The following ATP13A4 variants were observed in gnomAD, a reference collection of about 807,000 sequenced individuals.
ATP13A4 encodes ATPase 13A4.
In ATP13A4, 114 loss-of-function variants were observed where a neutral mutation model predicts 142.5. The ratio of observed to expected loss-of-function variants is 0.80; its 90% CI spans 0.69 to 0.93. The LOEUF (loss-of-function observed/expected upper bound fraction) is 0.93, where lower values mean the gene tolerates loss of function less well. ATP13A4 is among the 40% of genes least tolerant of loss of function. The pLI is 0.00. For synonymous variants in ATP13A4, 488 were observed against 514.8 expected (o/e 0.95, Z 0.70); for missense variants, 1,392 against 1,454.0 (o/e 0.96, Z 0.69).
chr3:193,465,684 T>C (rs1197165299), intron 11 of ATP13A4, among the ~76,000 whole-genome samples: 1 of 152,218 alleles, frequency 6.6e-6, no homozygotes, highest in Non-Finnish European at 1.5e-5. Context: ...CTGATTTTAT[T>C]TAAAATCCCT....
Position 193,563,875 on chromosome 3 carries a change from T to G in ATP13A4, n.291+17832A>C, listed in dbSNP as rs1012085341. On this transcript the variant is annotated intron_variant and non_coding_transcript_variant, in intron 2 of 3. Coordinates refer to the ATP13A4 transcript ENST00000489140. ...ACCAACCTCTGGCAACCTCACTGTC[T>G]AACTTGGGGCAACCCCTGCTGTTCA... Among the ~76,000 whole-genome samples, 5 of 152,316 alleles carry G rather than the reference T, an allele frequency of 3.3e-5. No homozygotes were observed. In the South Asian group the frequency reaches 1.0e-3, roughly 32 times the overall value.
At chr3:193,555,989 A>T (rs573708848), upstream of ATP13A4, among the ~76,000 whole-genome samples, 26 of 152,362 alleles carry the variant, frequency 1.7e-4, no homozygotes, top group South Asian at 5.4e-3. Context: ...AAGTGCTGTT[A>T]GGATTATTAA....
intron 25 of ATP13A4, among the ~76,000 whole-genome samples, chr3:193,433,497 T>C (rs1716091699): frequency 6.6e-6 from 1 of 152,198 alleles, no homozygotes; most frequent in African/African-American, 2.4e-5. Flanking sequence ...ATTTGGCTCC[T>C]ATAAATTGGG....
chr3:193,520,131 A>C (rs1721642303), intron 1 of ATP13A4, among the ~76,000 whole-genome samples: 1 of 152,176 alleles, frequency 6.6e-6, no homozygotes, highest in Non-Finnish European at 1.5e-5. Flanking sequence ...CAATATATAA[A>C]TGAGTGGCTA....
intron 1 of ATP13A4, among the ~76,000 whole-genome samples, chr3:193,524,955 T>C (rs917549254): frequency 6.6e-6 from 1 of 152,190 alleles, no homozygotes; most frequent in African/African-American, 2.4e-5. Flanking sequence ...TTTAGGTCTC[T>C]ATGAGCCTTT....
Position 193,414,685 on chromosome 3 carries a change from G to C in ATP13A4, c.2908C>G (p.Pro970Ala), listed in dbSNP as rs1346785742. The change falls in exon 26 of 30, where the codon CCT becomes GCT. Residue 970 changes from proline (P) to alanine (A), a missense_variant. Physicochemically the swap from Pro to Ala is conservative, Grantham distance 27. Transcript: ENST00000342695. ...TTGAAAATCACAGAGAGTAGCAGAGGTGGAGAGATCAGCCGTCCTGCAGGT... is the reference window on the plus strand; with the variant it reads ...TTGAAAATCACAGAGAGTAGCAGAGCTGGAGAGATCAGCCGTCCTGCAGGT... The part of the protein sequence containing the change: ...FRPAGRLISP[P>A]LLLSVIFNIL... 6.2e-7 allele frequency: 1 copy of C among 1,614,016 alleles called. No homozygotes were observed. The highest frequency in any genetic ancestry group is 8.5e-7 in the Non-Finnish European group (1 of 1,180,020).
At chr3:193,579,003 G>A (rs569721902) in intron 2 of ATP13A4, 1 of 200,402 alleles carries the variant, frequency 5.0e-6, no homozygotes, top group Admixed American at 4.6e-5. Context: ...GTGTAAGGCA[G>A]AAGGGCATGA....
rs1465605959 is a variant in ATP13A4 at position 193,462,799 on chromosome 3, A to G, written c.1486T>C (p.Leu496=). Residue 496 remains leucine (L), a synonymous_variant, in exon 13 of 30, where the codon TTG becomes CTG. Coordinates refer to ENST00000342695, the MANE Select transcript of ATP13A4 (RefSeq NM_032279.4). ...CAGGACACGACTCCCCAGAGGTCCA[A>G]GCCGTCCCTTGTTAAGGTGCCTGTC... is the stretch of plus-strand genomic sequence containing the variant. ...DKTGTLTRDG[L]DLWGVVSCDR... 6.2e-7 allele frequency: 1 copy of G among 1,613,994 alleles called. No homozygotes were observed. The highest frequency in any genetic ancestry group is 1.7e-5 in the Admixed American group (1 of 60,004).
intron 25 of ATP13A4, among the ~76,000 whole-genome samples, chr3:193,417,996 C>T (rs1282982880): frequency 1.0e-4 from 15 of 144,142 alleles, no homozygotes; most frequent in African/African-American, 3.8e-4. Flanking sequence ...GTGGCGGGCG[C>T]CTGTAGTCCC....
intron 1 of ATP13A4, among the ~76,000 whole-genome samples, chr3:193,591,068 G>T (rs145757136): frequency 0.017 from 2,523 of 152,168 alleles, 35 homozygotes; most frequent in Non-Finnish European, 0.026. Context: ...GCATTTTTTT[G>T]CTTGTTTGTT....
chr3:193,552,037 G>A (rs113050179), intron 1 of ATP13A4, among the ~76,000 whole-genome samples: 15 of 152,246 alleles, frequency 9.9e-5, no homozygotes, highest in African/African-American at 2.6e-4. Flanking sequence ...GCCATGGCGC[G>A]ATCTTGGCTC....
At position 193,448,583 on chromosome 3, in the gene ATP13A4, G is replaced by C. The variant is rs111966417; in HGVS notation, c.2028-253C>G. Among the ~76,000 whole-genome samples the C allele has an allele frequency of 7.2e-3, 1,092 of 152,214 alleles. 11 individuals carry two copies. Among genetic ancestry groups the C allele is most frequent in the African/African-American group, 0.025 (1,045 of 41,534 alleles). On this transcript the variant is annotated intron_variant, in intron 17 of 29. Coordinates refer to ENST00000342695, the MANE Select transcript of ATP13A4 (RefSeq NM_032279.4). ...ACTCCTGAATTCAAGTGATTCACCCGCCTCAGCTTCCCAAAGTGCTGGAAT... is the reference window on the plus strand; with the variant it reads ...ACTCCTGAATTCAAGTGATTCACCCCCCTCAGCTTCCCAAAGTGCTGGAAT...
intron 1 of ATP13A4, among the ~76,000 whole-genome samples, chr3:193,515,808 G>T (rs903406832): frequency 6.6e-6 from 1 of 152,152 alleles, no homozygotes; most frequent in Admixed American, 6.5e-5. Context: ...CTTTACACTG[G>T]TTATGACAGC....
At chr3:193,502,043 C>T (rs796998794) in intron 3 of ATP13A4, among the ~76,000 whole-genome samples, 11 of 152,266 alleles carry the variant, frequency 7.2e-5, no homozygotes, top group African/African-American at 2.6e-4. Context: ...AGGAGGATCA[C>T]TTGAGCCCAG....
intron 25 of ATP13A4, among the ~76,000 whole-genome samples, chr3:193,420,162 C>G (rs527498174): frequency 2.7e-5 from 4 of 149,866 alleles, no homozygotes; most frequent in Non-Finnish European, 4.4e-5. Flanking sequence ...TAACCCAGCA[C>G]TACTGCAGCT....
chr3:193,475,166 A>T (rs1321843887), intron 8 of ATP13A4, among the ~76,000 whole-genome samples: 2 of 152,102 alleles, frequency 1.3e-5, no homozygotes, highest in East Asian at 1.9e-4. Flanking sequence ...TGCCGAAGAT[A>T]TACTGGCAAA....
intron 1 of ATP13A4, among the ~76,000 whole-genome samples, chr3:193,532,561 G>T (rs558188324): frequency 6.6e-6 from 1 of 151,822 alleles, no homozygotes; most frequent in African/African-American, 2.4e-5. Flanking sequence ...CCAGAGGGCA[G>T]TTACAAGGGC....
At chr3:193,565,025 C>G (rs759002314) in intron 2 of ATP13A4, among the ~76,000 whole-genome samples, 1 of 152,152 alleles carries the variant, frequency 6.6e-6, no homozygotes, top group Non-Finnish European at 1.5e-5. Flanking sequence ...GGTAAACAAG[C>G]TCAGGGCTCC....
At chr3:193,499,194 A>G (rs1354461713) in intron 3 of ATP13A4, among the ~76,000 whole-genome samples, 4 of 152,254 alleles carry the variant, frequency 2.6e-5, no homozygotes, top group African/African-American at 9.6e-5. Flanking sequence ...AACATAATGC[A>G]TTTAAAAAGT....
Sources: gnomAD v4.1 joint callset for allele counts (sites outside exome capture counted in the v4.1 genomes callset) on GRCh38, gnomAD v4.1.1 for gene constraint, MANE v1.5 for transcripts, NCBI Gene and HGNC (gene_info 2026-07-23, HGNC 2026-07-21) for gene names.